The following PRMT5 variants were observed in gnomAD, a reference collection of about 807,000 sequenced individuals.
PRMT5 encodes protein arginine methyltransferase 5.
Under a neutral mutation model 84.0 loss-of-function variants are expected in PRMT5, and 15 were observed. The observed-to-expected ratio is 0.18, with a 90% confidence interval of 0.12 to 0.28. The LOEUF (loss-of-function observed/expected upper bound fraction) is 0.28, where lower values mean the gene tolerates loss of function less well. Among genes scored for constraint, PRMT5 ranks in the 10% least tolerant of loss-of-function variants. The pLI is 1.00. For missense variants in PRMT5, 486 were observed against 808.0 expected (o/e 0.60, Z 4.83); for synonymous variants, 276 against 292.4 (o/e 0.94, Z 0.57).
At chr14:22,925,983 C>T (rs1454902330) in intron 7 of PRMT5, 150 bp downstream of exon 7, 1 of 856,900 alleles carries the variant, frequency 1.2e-6, no homozygotes, top group Non-Finnish European at 1.8e-6. Context: ...CTGGCATTTA[C>T]CTTTTTGTTC....
At position 22,921,023 on chromosome 14, in the gene PRMT5, A is replaced by G. The variant is rs771623954; in HGVS notation, c.1795T>C (p.Cys599Arg). 6.2e-7 allele frequency: 1 copy of G among 1,614,238 alleles called. No homozygotes were observed. Among genetic ancestry groups the G allele is most frequent in the African/African-American group, 1.3e-5 (1 of 75,062 alleles). The change falls in exon 17 of 17, where the codon TGT becomes CGT. Residue 599 changes from cysteine (C) to arginine (R), a missense_variant. Around this residue, in one of 4 missense-constraint regions of PRMT5, gnomAD observed 219 missense variants for 433.6 expected, o/e 0.51. Transcript: ENST00000324366. ...PITVREGQTI[C>R]VRFWRCSNSK... ...TTGCTGCATCGCCAGAAACGCACAC[A>G]GATGGTTTGGCCTTCACGTACCGTT...
Position 22,920,811 on chromosome 14 carries a change from G to A in PRMT5, c.*93C>T, listed in dbSNP as rs1251323836. ...GAAATGCTCCTCTCTGATGGGCAAGGGGAATCACAGCCCATAGATGTACTG... is the reference window on the plus strand; with the variant it reads ...GAAATGCTCCTCTCTGATGGGCAAGAGGAATCACAGCCCATAGATGTACTG... On this transcript the variant is annotated 3_prime_UTR_variant, in exon 17 of 17. Coordinates refer to ENST00000324366, the MANE Select transcript of PRMT5 (RefSeq NM_006109.5). 5.9e-6 allele frequency: 9 copies of A among 1,536,230 alleles called. No homozygotes were observed. In the Admixed American group the frequency reaches 6.7e-5, roughly 11 times the overall value.
intron 4 of PRMT5, among the ~76,000 whole-genome samples, chr14:22,927,172 G>A (rs933026937): frequency 2.0e-5 from 3 of 146,646 alleles, no homozygotes; most frequent in African/African-American, 2.5e-5. Context: ...TGCAACCTCC[G>A]CCTCACAGGT....
chr14:22,926,001 TC>T (rs531527952), intron 7 of PRMT5, 131 bp downstream of exon 7: 9 of 1,006,108 alleles, frequency 8.9e-6, no homozygotes, highest in Non-Finnish European at 1.3e-5. Context: ...TTCTCAAGAT[TC>T]CCAACTTCAC....
chr14:22,923,424 C>G lies in PRMT5; in HGVS notation c.1376-264G>C, dbSNP rs2044348136. On this transcript the variant is annotated intron_variant, in intron 12 of 16. Transcript: ENST00000324366. The surrounding 1 kb of genome is among the most constrained non-coding windows in gnomAD (Gnocchi z 5.2). ...CCCAAGATAGTCTAATCTGGTGGTTCTTAACTTTTGTGGGGTCACAAAGTC... is the reference window on the plus strand; with the variant it reads ...CCCAAGATAGTCTAATCTGGTGGTTGTTAACTTTTGTGGGGTCACAAAGTC... 1 of 298,152 alleles carries G rather than the reference C, an allele frequency of 3.4e-6. No individual in the cohort carries two copies. The highest frequency in any genetic ancestry group is 5.8e-5 in the East Asian group (1 of 17,134). 18.5% of individuals were successfully genotyped at this position (298,152 alleles called of 1,614,324 possible). A position where few individuals can be genotyped will look rare whatever the true frequency, so the allele number is the denominator to read the frequency against.
In PRMT5 at chr14:22,927,545, G is replaced by A. The variant is rs1237618888; in HGVS notation, c.431C>T (p.Thr144Ile). Residue 144 changes from threonine to isoleucine, a missense_variant, in exon 4 of 17, where the codon ACT becomes ATT. By Grantham distance (89) the Thr-to-Ile change is moderately conservative. Transcript: ENST00000324366. ...LARVLTNHIH[T>I]GHHSSMFWMR... ...CTATACCATGGAAGAGTGATGGCCAGTGTGGATGTGGTTGGTCAAAACTCT... is the reference window on the plus strand; with the variant it reads ...CTATACCATGGAAGAGTGATGGCCAATGTGGATGTGGTTGGTCAAAACTCT... 1 of 1,614,132 alleles carries A rather than the reference G, an allele frequency of 6.2e-7. No individual in the cohort carries two copies. Among genetic ancestry groups the A allele is most frequent in the South Asian group, 1.1e-5 (1 of 91,080 alleles).
At position 22,923,125 on chromosome 14, in the gene PRMT5, A is replaced by G; in HGVS notation, c.1411T>C (p.Phe471Leu). The G allele has an allele frequency of 6.2e-7, 1 of 1,613,684 alleles. No individual in the cohort carries two copies. The highest frequency in any genetic ancestry group is 2.2e-5 in the East Asian group (1 of 44,890). The change falls in exon 13 of 17, where the codon TTT (phenylalanine) becomes CTT (leucine). Residue 471 changes from phenylalanine (F) to leucine (L), a missense_variant. Around this residue, in one of 4 missense-constraint regions of PRMT5, gnomAD observed 219 missense variants for 433.6 expected, o/e 0.51. Coordinates refer to ENST00000324366, the MANE Select transcript of PRMT5 (RefSeq NM_006109.5). The surrounding 1 kb of genome is among the most constrained non-coding windows in gnomAD (Gnocchi z 5.2). Reference protein sequence around the residue: ...GVSIPGEYTSFLAPISSSKLY... With the variant: ...GVSIPGEYTSLLAPISSSKLY... ...TTGGAGGAAGAGATGGGAGCCAGAA[A>G]GGAAGTGTACTCCCCGGGGATGCTC...
intron 7 of PRMT5, among the ~76,000 whole-genome samples, chr14:22,925,438 C>T (rs1036796329): frequency 6.6e-6 from 1 of 151,662 alleles, no homozygotes; most frequent in Admixed American, 6.6e-5. Context: ...ATTACAGGCG[C>T]GAGCCACTGC....
At chr14:22,926,349 C>G (rs1480783065) in intron 6 of PRMT5, 53 bp from the exon 7 acceptor site, 1 of 1,605,942 alleles carries the variant, frequency 6.2e-7, no homozygotes, top group Non-Finnish European at 8.5e-7. Context: ...GAAACCCTTC[C>G]TTGCTCCTTT....
chr14:22,927,497 G>A (rs2044449004), intron 4 of PRMT5, 29 bp downstream of exon 4: 3 of 1,613,204 alleles, frequency 1.9e-6, no homozygotes, highest in South Asian at 1.1e-5. Context: ...ACTATGATAT[G>A]CAGCAGGAAA....
In PRMT5 at chr14:22,928,533, G is replaced by C; in HGVS notation, c.193C>G (p.Pro65Ala). 1.2e-6 allele frequency: 2 copies of C among 1,613,920 alleles called. No individual in the cohort carries two copies. The highest frequency in any genetic ancestry group is 8.5e-7 in the Non-Finnish European group (1 of 1,179,822). The change falls in exon 2 of 17, where the codon CCC becomes GCC. Residue 65 changes from proline to alanine, a missense_variant. Pro to Ala is a conservative substitution (Grantham distance 27, BLOSUM62 -1). Transcript: ENST00000324366. This position sits in a 1 kb window ranked among gnomAD's most constrained non-coding sequence, Gnocchi z 4.8. ...IQEPAKNRPG[P>A]QTRSDLLLSG... Reference sequence around the variant, plus strand: ...AGCAGTAGGTCTGATCGTGTCTGGGGACCGGGCCGATTCTTAGCAGGTTCC... The same window carrying C: ...AGCAGTAGGTCTGATCGTGTCTGGGCACCGGGCCGATTCTTAGCAGGTTCC...
chr14:22,927,645 G>A lies in PRMT5; in HGVS notation c.331C>T (p.Leu111=), dbSNP rs2044453121. The change falls in exon 4 of 17, where the codon CTG becomes TTG. Residue 111 remains leucine (L), a synonymous_variant. Coordinates refer to ENST00000324366, the MANE Select transcript of PRMT5 (RefSeq NM_006109.5). The stretch of plus-strand genomic sequence containing the variant: ...AGACCCAAATATGCACCAAAATTCA[G>A]CTCCTGTAACATGGCCTGGAACGGA... ...RNSEAAMLQE[L]NFGAYLGLPA... 6.2e-7 allele frequency: 1 copy of A among 1,613,364 alleles called. No individual in the cohort carries two copies. Among genetic ancestry groups the A allele is most frequent in the Non-Finnish European group, 8.5e-7 (1 of 1,179,752 alleles).
Position 22,924,877 on chromosome 14 carries a change from A to C in PRMT5, c.939+2T>G. The C allele has an allele frequency of 6.2e-7, 1 of 1,614,000 alleles. No homozygotes were observed. Among genetic ancestry groups the C allele is most frequent in the Non-Finnish European group, 8.5e-7 (1 of 1,179,920 alleles). On this transcript the variant is annotated splice_donor_variant, in intron 8 of 16. Coordinates refer to ENST00000324366, the MANE Select transcript of PRMT5 (RefSeq NM_006109.5). LOFTEE classifies it high-confidence loss of function. This position sits in a 1 kb window ranked among gnomAD's most constrained non-coding sequence, Gnocchi z 6.5. ...CCTCCTCTAAGTGCACTCCAGACCC[A>C]CCTGAAGCGGGGACTGCAGATAGTC...
Position 22,924,500 on chromosome 14 carries a change from T to G in PRMT5, c.1055A>C (p.Glu352Ala). 6.2e-7 allele frequency: 1 copy of G among 1,614,100 alleles called. No individual in the cohort carries two copies. The highest frequency in any genetic ancestry group is 1.1e-5 in the South Asian group (1 of 91,088). ...YKCLLDRVPEEEKDTNVQVLM... is the reference protein window; with the variant it reads ...YKCLLDRVPEAEKDTNVQVLM... ...TCACTGGACATTGGTATCCTTCTCCTCTTCTGGTACTCGGTCTAGCAGACA... is the reference window on the plus strand; with the variant it reads ...TCACTGGACATTGGTATCCTTCTCCGCTTCTGGTACTCGGTCTAGCAGACA... Residue 352 changes from glutamate to alanine, a missense_variant, in exon 10 of 17, where the codon GAG (glutamate) becomes GCG (alanine). Around this residue, in one of 4 missense-constraint regions of PRMT5, gnomAD observed 219 missense variants for 433.6 expected, o/e 0.51. Transcript: ENST00000324366. This position sits in a 1 kb window ranked among gnomAD's most constrained non-coding sequence, Gnocchi z 6.5.
At chr14:22,922,862 GTGT>G in intron 13 of PRMT5, 27 bp from the exon 14 acceptor site, 1 of 1,602,472 alleles carries the variant, frequency 6.2e-7, no homozygotes, top group Non-Finnish European at 8.5e-7. Context: ...GAGAGAGAGA[GTGT>G]TGGGGAAGAC....
In PRMT5 at chr14:22,923,907, TGACCCA is replaced by T; in HGVS notation, c.1375+95_1375+100del. 3 of 1,324,576 alleles carry T rather than the reference TGACCCA, an allele frequency of 2.3e-6. No individual in the cohort carries two copies. The highest frequency in any genetic ancestry group is 2.4e-5 in the Admixed American group (1 of 41,622). 82.1% of individuals were successfully genotyped at this position (1,324,576 alleles called of 1,614,324 possible). On this transcript the variant is annotated intron_variant, in intron 12 of 16. Transcript: ENST00000324366. The surrounding 1 kb of genome is among the most constrained non-coding windows in gnomAD (Gnocchi z 5.2). ...CAGTGGCTCTCAAACTCATATGATG[TGACCCA>T]GGTCCAACCCACTTTCCCCTAAACC...
intron 1 of PRMT5, 167 bp downstream of exon 1, chr14:22,929,085 T>C: frequency 6.4e-7 from 1 of 1,552,910 alleles, no homozygotes; most frequent in Non-Finnish European, 8.8e-7. Flanking sequence ...ACAAGTTATT[T>C]TCCTCACGTT....
chr14:22,926,924 C>A, intron 4 of PRMT5, 110 bp from the exon 5 acceptor site: 1 of 717,958 alleles, frequency 1.4e-6, no homozygotes, highest in African/African-American at 1.8e-5. Context: ...CCTTTATATG[C>A]TTTTCCCAAT....
intron 4 of PRMT5, among the ~76,000 whole-genome samples, chr14:22,927,108 C>G (rs889735963): frequency 7.8e-6 from 1 of 128,056 alleles, no homozygotes; most frequent in South Asian, 2.4e-4. Flanking sequence ...TTTTTTGAGA[C>G]AAGGTCTGGC....
Sources: allele counts gnomAD v4.1 joint callset (sites outside exome capture counted in the v4.1 genomes callset), GRCh38; gene constraint gnomAD v4.1.1; regional missense constraint gnomAD v4.1.1; non-coding constraint Gnocchi (gnomAD v3.1); transcripts MANE v1.5; gene names NCBI Gene and HGNC (gene_info 2026-07-23, HGNC 2026-07-21).